Variants in VPS13C observed in about 807,000 individuals in gnomAD.
The protein encoded by VPS13C is intermembrane lipid transfer protein VPS13C.
Under a neutral mutation model 456.8 loss-of-function variants are expected in VPS13C, and 358 were observed. That is an observed-to-expected ratio of 0.78 (90% CI 0.72 to 0.86). The LOEUF (loss-of-function observed/expected upper bound fraction) is 0.86, where lower values mean the gene tolerates loss of function less well. VPS13C is among the 40% of genes least tolerant of loss of function. The probability of loss-of-function intolerance (pLI) is 0.00; values close to 1 mark genes in which losing one functional copy is unlikely to be tolerated. For synonymous variants in VPS13C, 1,578 were observed against 1,486.7 expected (o/e 1.06, Z -1.41); for missense variants, 4,818 against 4,385.4 (o/e 1.10, Z -2.79).
At chr15:61,993,425 T>A (rs1275435656) in intron 16 of VPS13C, among the ~76,000 whole-genome samples, 1 of 152,056 alleles carries the variant, frequency 6.6e-6, no homozygotes, top group Admixed American at 6.5e-5. Context: ...TTAACCTTTT[T>A]AAAATATCCT....
intron 6 of VPS13C, among the ~76,000 whole-genome samples, chr15:62,024,276 G>T (rs1415077785): frequency 6.6e-6 from 1 of 152,002 alleles, no homozygotes; most frequent in Non-Finnish European, 1.5e-5. Flanking sequence ...AAATGAAAGG[G>T]TAAGTTGCCC....
Position 61,962,788 on chromosome 15 carries a change from A to G in VPS13C, c.3396T>C (p.Ile1132=), listed in dbSNP as rs1392658165. The G allele has an allele frequency of 1.2e-6, 2 of 1,607,878 alleles. No homozygotes were observed. The highest frequency in any genetic ancestry group is 1.3e-5 in the African/African-American group (1 of 74,826). The stretch of plus-strand genomic sequence containing the variant: ...TCTTTGGATCAACATCTGTGACAAT[A>G]ATATTTTCTAGTCGGGCAAAAAGTG... ...KQSLFARLEN[I]IVTDVDPKTV... is the part of the protein sequence containing the mutation. Residue 1132 remains isoleucine (I), a synonymous_variant, in exon 33 of 85, where the codon ATT becomes ATC. Transcript: ENST00000644861.
At chr15:61,930,900 T>C (rs1473100559) in intron 50 of VPS13C, among the ~76,000 whole-genome samples, 190 bp downstream of exon 50, 1 of 152,232 alleles carries the variant, frequency 6.6e-6, no homozygotes, top group Non-Finnish European at 1.5e-5. Flanking sequence ...ATAATTAAAC[T>C]TCCCTTTAAC....
At chr15:61,888,431 G>C (rs1402710073) in intron 67 of VPS13C, among the ~76,000 whole-genome samples, 1 of 152,138 alleles carries the variant, frequency 6.6e-6, no homozygotes, top group Non-Finnish European at 1.5e-5. Context: ...TTGCGAAAAT[G>C]TGGAAGCAAC....
intron 15 of VPS13C, among the ~76,000 whole-genome samples, chr15:62,006,012 A>C (rs545166542): frequency 9.2e-5 from 14 of 151,724 alleles, no homozygotes; most frequent in East Asian, 1.9e-4. Flanking sequence ...CCGTGTTTCT[A>C]CCTTTTAAAA....
chr15:61,903,558 ATT>A (rs1289536857), intron 66 of VPS13C, among the ~76,000 whole-genome samples: 3 of 152,180 alleles, frequency 2.0e-5, no homozygotes, highest in Non-Finnish European at 2.9e-5. Context: ...AGAATTTAAT[ATT>A]GTTAAAATGT....
chr15:62,043,460 C>G (rs1304626471), intron 2 of VPS13C, among the ~76,000 whole-genome samples: 3 of 151,860 alleles, frequency 2.0e-5, no homozygotes, highest in African/African-American at 7.3e-5. Flanking sequence ...ACAAAAATTA[C>G]CCAGGCGTGG....
rs148473344 is a variant in VPS13C, at chr15:61,984,214, A to G, written c.1722-202T>C. 1.2e-3 allele frequency among the ~76,000 whole-genome samples: 183 copies of G among 152,246 alleles called. 1 individual carries two copies. In the East Asian group the frequency reaches 0.032, roughly 26 times the overall value. On this transcript the variant is annotated intron_variant, in intron 19 of 84. Coordinates refer to ENST00000644861, the MANE Select transcript of VPS13C (RefSeq NM_020821.3). ...TTTGCTGCTCTTGTTGTTTTAATTAACTCCTTTCATCTACGTGAAAAACTC... is the reference window on the plus strand; with the variant it reads ...TTTGCTGCTCTTGTTGTTTTAATTAGCTCCTTTCATCTACGTGAAAAACTC...
At chr15:61,944,832 T>C (rs780740616) in intron 45 of VPS13C, among the ~76,000 whole-genome samples, 4 of 152,012 alleles carry the variant, frequency 2.6e-5, no homozygotes, top group Non-Finnish European at 5.9e-5. Flanking sequence ...TTATCTTTCT[T>C]TGAAAAAAAA....
intron 16 of VPS13C, among the ~76,000 whole-genome samples, chr15:61,995,083 CCA>C (rs1464875618): frequency 6.6e-6 from 1 of 152,166 alleles, no homozygotes; most frequent in East Asian, 1.9e-4. Context: ...TCTCCCATTC[CCA>C]GTCGTTCATG....
chr15:61,913,387 C>G lies in VPS13C; in HGVS notation c.8474G>C (p.Trp2825Ser). 6.2e-7 allele frequency: 1 copy of G among 1,614,012 alleles called. No individual in the cohort carries two copies. The highest frequency in any genetic ancestry group is 8.5e-7 in the Non-Finnish European group (1 of 1,179,948). Residue 2825 changes from tryptophan (W) to serine (S), a missense_variant, in exon 62 of 85, where the codon TGG (tryptophan) becomes TCG (serine). By Grantham distance (177) the Trp-to-Ser change is radical. Around this residue, in one of 3 missense-constraint regions of VPS13C, gnomAD observed 4,552 missense variants for 4,130.6 expected, o/e 1.10. Coordinates refer to ENST00000644861, the MANE Select transcript of VPS13C (RefSeq NM_020821.3). Reference sequence around the variant, plus strand: ...TGTATCCAATGAGAAACTACTGGACCAGGCACTGGTTGAAATTTTTAATTG... The same window carrying G: ...TGTATCCAATGAGAAACTACTGGACGAGGCACTGGTTGAAATTTTTAATTG... ...KVQLKISTSA[W>S]SSSFSLDTVG...
Position 61,857,463 on chromosome 15 carries a change from G to A in VPS13C, c.10953-1054C>T, listed in dbSNP as rs191365834. Among the ~76,000 whole-genome samples the A allele has an allele frequency of 2.9e-3, 449 of 152,280 alleles. 2 individuals are homozygous for A. The highest frequency in any genetic ancestry group is 5.0e-3 in the Admixed American group (77 of 15,298). ...ACAAAAAAGGAAAGACTTATCTGAG[G>A]AATGTGGAGGTCTGCAGCTGGAATA... On this transcript the variant is annotated intron_variant, in intron 82 of 84. Transcript: ENST00000644861.
chr15:61,861,337 GT>G (rs1257716815), intron 82 of VPS13C, among the ~76,000 whole-genome samples: 2 of 152,002 alleles, frequency 1.3e-5, no homozygotes, highest in Admixed American at 1.3e-4. Context: ...CCCAAGACCT[GT>G]TTTAATATAT....
chr15:61,985,887 G>C (rs1020636379), intron 18 of VPS13C, among the ~76,000 whole-genome samples: 1 of 152,058 alleles, frequency 6.6e-6, no homozygotes. Context: ...AGCTAGGCTA[G>C]CAGGGTCAAA....
intron 16 of VPS13C, among the ~76,000 whole-genome samples, chr15:61,999,243 G>A (rs936495333): frequency 1.3e-5 from 2 of 152,120 alleles, no homozygotes; most frequent in Non-Finnish European, 2.9e-5. Context: ...GCCGGGCATG[G>A]TGGCACATGC....
chr15:61,864,482 A>G, intron 81 of VPS13C: 1 of 823,208 alleles, frequency 1.2e-6, no homozygotes, highest in Non-Finnish European at 1.5e-6. Context: ...AATACAGAAC[A>G]TAAATATACT....
intron 48 of VPS13C, among the ~76,000 whole-genome samples, chr15:61,936,126 G>C (rs2044219240): frequency 1.3e-5 from 2 of 152,072 alleles, no homozygotes; most frequent in Admixed American, 6.6e-5. Context: ...GCTTTTAATA[G>C]GTTCAAATTA....
At chr15:61,988,088 A>G (rs1476714131) in intron 18 of VPS13C, among the ~76,000 whole-genome samples, 1 of 152,242 alleles carries the variant, frequency 6.6e-6, no homozygotes, top group Non-Finnish European at 1.5e-5. Flanking sequence ...ACATGGATGA[A>G]TATCAAAAAT....
At position 62,042,252 on chromosome 15, in the gene VPS13C, T is replaced by C. The variant is rs893172078; in HGVS notation, c.145-886A>G. Among the ~76,000 whole-genome samples, 4 of 152,220 alleles carry C rather than the reference T, an allele frequency of 2.6e-5. No individual in the cohort carries two copies. The East Asian group carries it at 7.7e-4, about 29-fold the overall frequency. On this transcript the variant is annotated intron_variant, in intron 2 of 84. Coordinates refer to ENST00000644861, the MANE Select transcript of VPS13C (RefSeq NM_020821.3). Reference sequence around the variant, plus strand: ...ATTCCAAACAACTAGAAAGTTCAAATAACTTTTTTTATTCACAGAATACTA... The same window carrying C: ...ATTCCAAACAACTAGAAAGTTCAAACAACTTTTTTTATTCACAGAATACTA...
Sources: gnomAD v4.1 joint callset for allele counts (sites outside exome capture counted in the v4.1 genomes callset) on GRCh38, gnomAD v4.1.1 for gene constraint, gnomAD v4.1.1 regional missense constraint, MANE v1.5 for transcripts, NCBI Gene and HGNC (gene_info 2026-07-23, HGNC 2026-07-21) for gene names.